PRKCA: variants seen among roughly 807,000 people sequenced by gnomAD.
The protein encoded by PRKCA is protein kinase C alpha.
Under a neutral mutation model 87.0 loss-of-function variants are expected in PRKCA, and 27 were observed. The ratio of observed to expected loss-of-function variants is 0.31; its 90% CI spans 0.23 to 0.43. The LOEUF (loss-of-function observed/expected upper bound fraction) is 0.43, where lower values mean the gene tolerates loss of function less well. PRKCA is among the 20% of genes least tolerant of loss of function. The pLI is 1.00. For synonymous variants in PRKCA, 329 were observed against 311.1 expected, an observed-to-expected ratio of 1.06 and a Z score of -0.61; for missense variants, 518 against 852.3, an observed-to-expected ratio of 0.61 and a Z score of 4.88.
chr17:66,466,897 AC>A (rs1390065430), intron 2 of PRKCA, among the ~76,000 whole-genome samples: 4 of 151,970 alleles, frequency 2.6e-5, no homozygotes, highest in Non-Finnish European at 1.5e-5. Flanking sequence ...GACTTAAATT[AC>A]TCATGCCCTC....
chr17:66,381,398 C>G (rs543548136), intron 2 of PRKCA, among the ~76,000 whole-genome samples: 1 of 152,166 alleles, frequency 6.6e-6, no homozygotes, highest in Non-Finnish European at 1.5e-5. Context: ...GATGGATGAC[C>G]TGTGGAAGGA....
intron 3 of PRKCA, among the ~76,000 whole-genome samples, chr17:66,613,779 CTTTTTTTTTTTTTTT>C (rs57610655): frequency 1.4e-5 from 1 of 69,386 alleles, no homozygotes; most frequent in Non-Finnish European, 2.4e-5. Context: ...TGACTTCATC[CTTTTTTTTTTTTTTT>C]TTTTTTTTTT....
intron 3 of PRKCA, among the ~76,000 whole-genome samples, chr17:66,570,367 A>G (rs1204480136): frequency 3.3e-5 from 5 of 152,250 alleles, no homozygotes; most frequent in African/African-American, 1.2e-4. Context: ...TAAAACATGT[A>G]TGCTACACCT....
chr17:66,762,787 CT>C (rs1179915489), intron 13 of PRKCA, among the ~76,000 whole-genome samples: 1 of 152,040 alleles, frequency 6.6e-6, no homozygotes, highest in African/African-American at 2.4e-5. Context: ...CTGAAAACAC[CT>C]TTTTTATTTT....
chr17:66,447,439 G>A (rs192242117), intron 2 of PRKCA, among the ~76,000 whole-genome samples: 15 of 152,232 alleles, frequency 9.9e-5, no homozygotes, highest in African/African-American at 2.6e-4. Flanking sequence ...CCAAAGGCAC[G>A]GGGCCTTAGT....
chr17:66,666,102 T>C (rs761372022), intron 5 of PRKCA, among the ~76,000 whole-genome samples: 1 of 152,182 alleles, frequency 6.6e-6, no homozygotes, highest in Non-Finnish European at 1.5e-5. Context: ...GTAGAGAAGA[T>C]ACCAGGCAAG....
chr17:66,780,458 C>T (rs556516581), intron 14 of PRKCA, among the ~76,000 whole-genome samples: 73 of 152,216 alleles, frequency 4.8e-4, no homozygotes, highest in African/African-American at 1.7e-3. Flanking sequence ...GGGTGGATCA[C>T]GAGGTCAGGA....
chr17:66,752,463 G>A (rs960183247), intron 13 of PRKCA, among the ~76,000 whole-genome samples: 1 of 152,130 alleles, frequency 6.6e-6, no homozygotes, highest in Admixed American at 6.5e-5. Flanking sequence ...GGGTGTGGTG[G>A]TGGGCACCTG....
chr17:66,438,855 T>A (rs958774065), intron 2 of PRKCA, among the ~76,000 whole-genome samples: 1 of 152,158 alleles, frequency 6.6e-6, no homozygotes, highest in East Asian at 1.9e-4. Flanking sequence ...TGGGGGATAC[T>A]GCCCCCCATG....
chr17:66,422,710 T>G (rs1409335363), intron 2 of PRKCA, among the ~76,000 whole-genome samples: 3 of 152,150 alleles, frequency 2.0e-5, no homozygotes, highest in Non-Finnish European at 4.4e-5. Context: ...GTCAAACCAT[T>G]TTTATATACC....
intron 3 of PRKCA, among the ~76,000 whole-genome samples, chr17:66,587,427 C>T (rs1339844013): frequency 6.6e-6 from 1 of 152,038 alleles, no homozygotes; most frequent in African/African-American, 2.4e-5. Flanking sequence ...TCTGTCCAAC[C>T]TGATAGATTT....
At chr17:66,529,016 G>C (rs1307019545) in intron 3 of PRKCA, among the ~76,000 whole-genome samples, 1 of 152,160 alleles carries the variant, frequency 6.6e-6, no homozygotes, top group African/African-American at 2.4e-5. Flanking sequence ...AATGGTTCCA[G>C]CCTTAATGGA....
At chr17:66,626,438 T>C (rs1311957773) in intron 3 of PRKCA, among the ~76,000 whole-genome samples, 1 of 151,264 alleles carries the variant, frequency 6.6e-6, no homozygotes, top group East Asian at 2.0e-4. Flanking sequence ...CTTGACTCAC[T>C]GCAACCTCCG....
intron 5 of PRKCA, among the ~76,000 whole-genome samples, chr17:66,662,625 G>C (rs1567962596): frequency 6.6e-6 from 1 of 151,990 alleles, no homozygotes; most frequent in Non-Finnish European, 1.5e-5. Flanking sequence ...CTCAAAGCTA[G>C]TGAGAATGTG....
chr17:66,351,622 A>T (rs147027965), intron 2 of PRKCA, among the ~76,000 whole-genome samples: 2 of 152,328 alleles, frequency 1.3e-5, no homozygotes, highest in African/African-American at 4.8e-5. Flanking sequence ...TGTGTGCTAT[A>T]AGCTATTCTC....
intron 3 of PRKCA, among the ~76,000 whole-genome samples, chr17:66,562,169 AAT>A (rs1361058397): frequency 1.3e-5 from 1 of 79,644 alleles, no homozygotes; most frequent in Non-Finnish European, 2.6e-5. Context: ...TATATAATTA[AAT>A]ATATATAATT....
At chr17:66,387,816 A>G (rs936542164) in intron 2 of PRKCA, among the ~76,000 whole-genome samples, 10 of 152,276 alleles carry the variant, frequency 6.6e-5, no homozygotes, top group African/African-American at 2.4e-4. Context: ...GGAGGAGGCC[A>G]CTTGACATGG....
intron 2 of PRKCA, among the ~76,000 whole-genome samples, chr17:66,338,494 AT>A (rs1906844407): frequency 6.6e-6 from 1 of 152,100 alleles, no homozygotes; most frequent in African/African-American, 2.4e-5. Context: ...TTTTCATTGT[AT>A]TAATTTTTCT....
At chr17:66,303,324 G>T (rs992107490) in intron 1 of PRKCA, among the ~76,000 whole-genome samples, 1 of 152,286 alleles carries the variant, frequency 6.6e-6, no homozygotes, top group South Asian at 2.1e-4. Context: ...GCGCCCACCC[G>T]CACGCACCCA....
Sources: allele counts gnomAD v4.1 joint callset (sites outside exome capture counted in the v4.1 genomes callset), GRCh38; gene constraint gnomAD v4.1.1; transcripts MANE v1.5; gene names NCBI Gene and HGNC (gene_info 2026-07-23, HGNC 2026-07-21).